The following EXT1 variants were observed in gnomAD, a reference collection of about 807,000 sequenced individuals.
EXT1 encodes the protein exostosin glycosyltransferase 1, also known as exostosin-1.
Under a neutral mutation model 82.5 loss-of-function variants are expected in EXT1, and 20 were observed. That is an observed-to-expected ratio of 0.24 (90% CI 0.17 to 0.35). The LOEUF is 0.35. EXT1 is among the 10% of genes least tolerant of loss of function. EXT1 has a pLI of 1.00. For missense variants in EXT1, 757 were observed against 936.5 expected (o/e 0.81, Z 2.50); for synonymous variants, 348 against 350.8 (o/e 0.99, Z 0.09).
chr8:117,809,634 CAAA>C (rs35543306), intron 8 of EXT1, among the ~76,000 whole-genome samples: 11 of 133,698 alleles, frequency 8.2e-5, no homozygotes, highest in Admixed American at 2.2e-4. Flanking sequence ...GAGACTCCGT[CAAA>C]AAAAAAAAAA....
intron 1 of EXT1, among the ~76,000 whole-genome samples, chr8:117,920,424 T>C (rs1285487155): frequency 2.0e-5 from 3 of 152,138 alleles, no homozygotes; most frequent in African/African-American, 7.2e-5. Flanking sequence ...TTTTTAACAG[T>C]ATCTGTAGTG....
intron 1 of EXT1, among the ~76,000 whole-genome samples, chr8:118,050,934 T>C (rs950492264): frequency 6.6e-6 from 1 of 152,220 alleles, no homozygotes; most frequent in East Asian, 1.9e-4. Flanking sequence ...TATTCCCATT[T>C]CATTATAGGA....
At chr8:117,912,941 T>A (rs948653613) in intron 1 of EXT1, among the ~76,000 whole-genome samples, 1 of 152,192 alleles carries the variant, frequency 6.6e-6, no homozygotes, top group African/African-American at 2.4e-5. Context: ...TCTTAAAATG[T>A]GGCCGCGCAC....
At position 117,958,360 on chromosome 8, in the gene EXT1, G is replaced by T. The variant is rs1167884809; in HGVS notation, c.963-121159C>A. ...CTACATCATCACACTTCCCATATAT[G>T]ACCCTAAACCTTCTAAAATGACCTT... On this transcript the variant is annotated intron_variant, in intron 1 of 10. Transcript: ENST00000378204. Among the ~76,000 whole-genome samples the T allele has an allele frequency of 2.0e-5, 3 of 152,114 alleles. No individual in the cohort carries two copies. The East Asian group carries it at 5.8e-4, about 29-fold the overall frequency.
chr8:118,062,756 C>A (rs1287392941), intron 1 of EXT1, among the ~76,000 whole-genome samples: 1 of 152,160 alleles, frequency 6.6e-6, no homozygotes, highest in African/African-American at 2.4e-5. Context: ...ACTGGCCTAA[C>A]TGGATCACTG....
intron 1 of EXT1, among the ~76,000 whole-genome samples, chr8:117,937,796 ATG>A (rs1814195942): frequency 6.6e-6 from 1 of 152,114 alleles, no homozygotes; most frequent in Non-Finnish European, 1.5e-5. Flanking sequence ...GAGTGTGTGA[ATG>A]TGTGTGTGTA....
intron 1 of EXT1, among the ~76,000 whole-genome samples, chr8:117,930,620 T>C (rs1814041211): frequency 1.3e-5 from 2 of 152,188 alleles, no homozygotes; most frequent in Admixed American, 6.5e-5. Flanking sequence ...TATATTTATA[T>C]AAGTAACATG....
intron 4 of EXT1, among the ~76,000 whole-genome samples, chr8:117,823,703 T>C (rs902241018): frequency 9.2e-5 from 14 of 152,122 alleles, no homozygotes; most frequent in African/African-American, 2.7e-4. Context: ...GTGGGCTACA[T>C]TTATCTTTGC....
rs959167243 is a variant in EXT1 at position 117,959,070 on chromosome 8, C to A, written c.963-121869G>T. Among the ~76,000 whole-genome samples, 17 of 152,186 alleles carry A rather than the reference C, an allele frequency of 1.1e-4. No homozygotes were observed. The Middle Eastern group carries it at 9.6e-3, about 86-fold the overall frequency. ...CCCTTGTTTGAACTCCTAGGAGGTCCAACTCCACACTTCCTCCAATTAGCA... is the reference window on the plus strand; with the variant it reads ...CCCTTGTTTGAACTCCTAGGAGGTCAAACTCCACACTTCCTCCAATTAGCA... On this transcript the variant is annotated intron_variant, in intron 1 of 10. Transcript: ENST00000378204.
chr8:117,812,504 C>T (rs1489292496), intron 8 of EXT1, among the ~76,000 whole-genome samples: 1 of 152,136 alleles, frequency 6.6e-6, no homozygotes, highest in East Asian at 1.9e-4. Context: ...TTATCTCCTC[C>T]GGAAAGCATG....
intron 1 of EXT1, among the ~76,000 whole-genome samples, chr8:117,999,454 A>G (rs571321750): frequency 1.1e-4 from 16 of 152,340 alleles, no homozygotes; most frequent in Non-Finnish European, 1.6e-4. Flanking sequence ...AAGCAGTATG[A>G]TCTGAAATAT....
chr8:117,955,697 G>A (rs1014345417), intron 1 of EXT1, among the ~76,000 whole-genome samples: 7 of 152,062 alleles, frequency 4.6e-5, no homozygotes, highest in African/African-American at 9.7e-5. Context: ...CTGGGACTAC[G>A]GGCAGGAGCC....
intron 10 of EXT1, among the ~76,000 whole-genome samples, chr8:117,800,574 T>C (rs977249612): frequency 2.0e-5 from 3 of 152,250 alleles, no homozygotes; most frequent in African/African-American, 7.2e-5. Context: ...CAGTGGTATA[T>C]AGAGCATGTT....
intron 7 of EXT1, among the ~76,000 whole-genome samples, chr8:117,814,097 GA>G (rs1454956834): frequency 6.6e-6 from 1 of 151,926 alleles, no homozygotes; most frequent in Non-Finnish European, 1.5e-5. Context: ...AGGAGAAGGA[GA>G]AGGAGAAGAA....
intron 1 of EXT1, among the ~76,000 whole-genome samples, chr8:118,073,646 AG>A (rs1318342342): frequency 3.1e-5 from 3 of 97,348 alleles, no homozygotes; most frequent in Non-Finnish European, 6.6e-5. Context: ...AGAGAAGAGA[AG>A]AGAAGAGAAG....
rs562109467 is a variant in EXT1 at position 117,838,641 on chromosome 8, TA to T, written c.963-1441del. Among the ~76,000 whole-genome samples the T allele has an allele frequency of 4.5e-3, 673 of 149,420 alleles. 3 individuals are homozygous for T. The highest frequency in any genetic ancestry group is 0.017 in the Admixed American group (258 of 14,962). On this transcript the variant is annotated intron_variant, in intron 1 of 10. Coordinates refer to ENST00000378204, the MANE Select transcript of EXT1 (RefSeq NM_000127.3). ...AAGAAGGCTTGAATTTAGTTAAATA[TA>T]AAAAAAAAATAAATTAGATGGTAGT... is the stretch of plus-strand genomic sequence containing the variant.
chr8:117,998,839 A>G (rs2129805085), intron 1 of EXT1, among the ~76,000 whole-genome samples: 1 of 152,340 alleles, frequency 6.6e-6, no homozygotes, highest in Middle Eastern at 3.4e-3. Context: ...TCAGCACTGC[A>G]TTCCTACTTC....
intron 1 of EXT1, among the ~76,000 whole-genome samples, chr8:118,033,609 G>C (rs1816371525): frequency 6.6e-6 from 1 of 152,100 alleles, no homozygotes. Context: ...CTCTCAATTA[G>C]CTGGAACTAC....
chr8:118,049,552 C>A (rs1250419908), intron 1 of EXT1, among the ~76,000 whole-genome samples: 1 of 152,114 alleles, frequency 6.6e-6, no homozygotes, highest in Non-Finnish European at 1.5e-5. Flanking sequence ...TGGTGCCCTG[C>A]ATCCCTGGCA....
Sources: allele counts gnomAD v4.1 joint callset (sites outside exome capture counted in the v4.1 genomes callset), GRCh38; gene constraint gnomAD v4.1.1; transcripts MANE v1.5; gene names NCBI Gene and HGNC (gene_info 2026-07-23, HGNC 2026-07-21).